ACTR3C: variants seen among roughly 807,000 people sequenced by gnomAD.
ACTR3C encodes the protein actin-related protein 3C.
A neutral mutation model predicts 26.3 loss-of-function variants in ACTR3C; 18 were observed. The observed-to-expected ratio is 0.68, with a 90% CI of 0.47 to 1.01. The LOEUF is 1.01. Ranked by LOEUF, ACTR3C falls within the 50% of genes least tolerant of loss-of-function variation. The pLI, the probability that ACTR3C is intolerant of heterozygous loss-of-function variation, is 0.00. For missense variants in ACTR3C, 184 were observed against 250.7 expected, an observed-to-expected ratio of 0.73 and a Z score of 1.80; for synonymous variants, 55 against 94.5, an observed-to-expected ratio of 0.58 and a Z score of 2.42.
At chr7:149,985,285 C>G in the ACTR3C span, among the ~76,000 whole-genome samples, 1 of 149,866 alleles carries the variant, frequency 6.7e-6, no homozygotes, top group Non-Finnish European at 1.5e-5. Flanking sequence ...TTTTTATTAT[C>G]CCATCTGGCA....
intron 6 of ACTR3C, among the ~76,000 whole-genome samples, chr7:150,282,017 A>G (rs1323557519): frequency 1.4e-5 from 2 of 144,406 alleles, no homozygotes; most frequent in African/African-American, 2.8e-5. Context: ...AACGCACAGA[A>G]ACGGGCATTC....
the ACTR3C span, among the ~76,000 whole-genome samples, chr7:149,908,584 G>A: frequency 1.3e-5 from 2 of 152,028 alleles, no homozygotes; most frequent in African/African-American, 2.4e-5. Flanking sequence ...TTTCCCTGTC[G>A]ACATTCCCCA....
the ACTR3C span, among the ~76,000 whole-genome samples, chr7:150,114,182 C>T: frequency 7.2e-5 from 11 of 152,292 alleles, no homozygotes; most frequent in East Asian, 1.7e-3. Flanking sequence ...TTTCAGCACT[C>T]AATGTTGTGG....
chr7:150,291,716 G>C (rs1453040934), intron 3 of ACTR3C, among the ~76,000 whole-genome samples: 1 of 151,730 alleles, frequency 6.6e-6, no homozygotes, highest in African/African-American at 2.4e-5. Flanking sequence ...TGCAGGCCAG[G>C]GGCCTACGGG....
the ACTR3C span, among the ~76,000 whole-genome samples, chr7:150,125,191 A>C: frequency 3.3e-5 from 5 of 152,028 alleles, no homozygotes; most frequent in Admixed American, 3.3e-4. Context: ...AAGGTCTTAC[A>C]GGGAAATTTT....
chr7:149,960,095 T>G, the ACTR3C span, among the ~76,000 whole-genome samples: 1 of 151,838 alleles, frequency 6.6e-6, no homozygotes, highest in Non-Finnish European at 1.5e-5. Flanking sequence ...TCTACCTAAA[T>G]TATCAATCTG....
chr7:150,320,724 T>C (rs554533742), intron 1 of ACTR3C, among the ~76,000 whole-genome samples: 1 of 152,256 alleles, frequency 6.6e-6, no homozygotes, highest in South Asian at 2.1e-4. Context: ...GATGGTGGCA[T>C]TGCACTCCAG....
chr7:150,263,219 A>C (rs1833778876), intron 6 of ACTR3C, among the ~76,000 whole-genome samples: 6 of 151,820 alleles, frequency 4.0e-5, no homozygotes. Flanking sequence ...AATTTAAAGC[A>C]GAAACATATG....
At chr7:150,191,814 G>T in the ACTR3C span, among the ~76,000 whole-genome samples, 4 of 152,140 alleles carry the variant, frequency 2.6e-5, no homozygotes, top group Non-Finnish European at 5.9e-5. Flanking sequence ...GGATCTTTTG[G>T]ATTAACCACT....
chr7:149,946,004 G>A, the ACTR3C span, among the ~76,000 whole-genome samples: 1 of 152,192 alleles, frequency 6.6e-6, no homozygotes. Flanking sequence ...GAATGGGGAG[G>A]AAGAGCCTCC....
the ACTR3C span, among the ~76,000 whole-genome samples, chr7:150,003,358 G>A: frequency 6.7e-6 from 1 of 149,810 alleles, no homozygotes; most frequent in Non-Finnish European, 1.5e-5. Context: ...TGTGGTATGT[G>A]GTGTGTGCTG....
At chr7:149,920,039 A>T in the ACTR3C span, among the ~76,000 whole-genome samples, 1 of 151,326 alleles carries the variant, frequency 6.6e-6, no homozygotes, top group African/African-American at 2.4e-5. Flanking sequence ...TATTTATTCA[A>T]TTGTTTTTGC....
chr7:150,248,782 A>G, intron 7 of ACTR3C, 166 bp downstream of exon 7: 1 of 408,230 alleles, frequency 2.4e-6, no homozygotes. Flanking sequence ...TTGAGACTCC[A>G]ACATAAAGAT....
chr7:149,910,592 G>A, the ACTR3C span, among the ~76,000 whole-genome samples: 2 of 151,908 alleles, frequency 1.3e-5, no homozygotes, highest in South Asian at 2.1e-4. Context: ...TAACAGTAAC[G>A]TCTGGACAAC....
intron 4 of ACTR3C, 138 bp downstream of exon 4, chr7:150,289,312 G>C: frequency 7.2e-7 from 1 of 1,384,468 alleles, no homozygotes; most frequent in Non-Finnish European, 9.5e-7. Flanking sequence ...CCACTTAAGG[G>C]GTAAAACAAA....
the ACTR3C span, among the ~76,000 whole-genome samples, chr7:150,205,837 A>C: frequency 6.9e-6 from 1 of 145,556 alleles, no homozygotes; most frequent in Non-Finnish European, 1.5e-5. Flanking sequence ...TTTTTTTCTT[A>C]CTTGTACCTC....
chr7:149,988,775 G>C, the ACTR3C span, among the ~76,000 whole-genome samples: 1 of 152,222 alleles, frequency 6.6e-6, no homozygotes, highest in East Asian at 1.9e-4. Context: ...AAAGAAGGTA[G>C]AGAACAGGGC....
chr7:149,902,407 C>A, the ACTR3C span, among the ~76,000 whole-genome samples: 5 of 126,476 alleles, frequency 4.0e-5, no homozygotes, highest in African/African-American at 6.2e-5. Context: ...TTTGCAATTA[C>A]AGTTCAGCAT....
At chr7:150,028,011 A>T in the ACTR3C span, among the ~76,000 whole-genome samples, 1 of 152,244 alleles carries the variant, frequency 6.6e-6, no homozygotes, top group Admixed American at 6.5e-5. Flanking sequence ...AAAATAAAAA[A>T]ATTAAAAACT....
Sources: gnomAD v4.1 joint callset for allele counts (sites outside exome capture counted in the v4.1 genomes callset) on GRCh38, gnomAD v4.1.1 for gene constraint, MANE v1.5 for transcripts, NCBI Gene and HGNC (gene_info 2026-07-23, HGNC 2026-07-21) for gene names.